Variants in LRRC3B observed in about 807,000 individuals in gnomAD.
LRRC3B encodes leucine-rich repeat-containing protein 3B.
Under a neutral mutation model 12.8 loss-of-function variants are expected in LRRC3B, and 2 were observed. That is an observed-to-expected ratio of 0.16 (90% confidence interval 0.06 to 0.49). The LOEUF (loss-of-function observed/expected upper bound fraction) is 0.49, where lower values mean the gene tolerates loss of function less well. Ranked by LOEUF, LRRC3B falls within the 20% of genes least tolerant of loss-of-function variation. The pLI is 0.96. For synonymous variants in LRRC3B, 132 were observed against 122.0 expected (o/e 1.08, Z -0.54); for missense variants, 189 against 319.4 (o/e 0.59, Z 3.11).
At position 26,636,910 on chromosome 3, in the gene LRRC3B, CTTTCTCTCTTTCTTTCTTTCTTTCTT is replaced by C. The variant is rs1559350244; in HGVS notation, c.-161+13675_-161+13700del. On this transcript the variant is annotated intron_variant, in intron 1 of 1. Coordinates refer to ENST00000396641, the Ensembl canonical transcript of LRRC3B. ...CCTTTCTCTCTCTCTCTCTTTCTCT[CTTTCTCTCTTTCTTTCTTTCTTTCTT>C]TCTTTCTTTCTTTCTTTCTTTCTTT... Among the ~76,000 whole-genome samples, 142 of 107,450 alleles carry C rather than the reference CTTTCTCTCTTTCTTTCTTTCTTTCTT, an allele frequency of 1.3e-3. 6 individuals carry two copies. The highest frequency in any genetic ancestry group is 5.9e-3 in the African/African-American group (134 of 22,664). 70.5% of individuals were successfully genotyped at this position (107,450 alleles called of 152,430 possible).
At chr3:26,666,332 A>G (rs1475392931) in intron 1 of LRRC3B, among the ~76,000 whole-genome samples, 1 of 152,144 alleles carries the variant, frequency 6.6e-6, no homozygotes, top group East Asian at 1.9e-4. Context: ...AGTTTATTAT[A>G]AGACAATTAT....
At chr3:26,705,050 G>A (rs139352117) in intron 1 of LRRC3B, among the ~76,000 whole-genome samples, 41 of 152,212 alleles carry the variant, frequency 2.7e-4, no homozygotes, top group African/African-American at 9.4e-4. Context: ...GTTAATAAAA[G>A]CTTTTGGGTT....
rs371518229 is a variant in LRRC3B at position 26,634,556 on chromosome 3, GA to G, written c.-161+11323del. 1.6e-3 allele frequency among the ~76,000 whole-genome samples: 247 copies of G among 152,300 alleles called. 1 individual carries two copies. Among genetic ancestry groups the G allele is most frequent in the African/African-American group, 5.7e-3 (236 of 41,558 alleles). The stretch of plus-strand genomic sequence containing the variant: ...TTCTGCATGGATTCAGGGTGACAGG[GA>G]AAAGGTTCAATTCACCTCGACATGG... On this transcript the variant is annotated intron_variant, in intron 1 of 1. Coordinates refer to ENST00000396641, the Ensembl canonical transcript of LRRC3B.
chr3:26,710,369 C>T (rs1421674966), exon 2 of LRRC3B: 2 of 1,613,880 alleles, frequency 1.2e-6, no homozygotes, highest in Admixed American at 1.7e-5. Flanking sequence ...GGAGGATGCC[C>T]GGAGACACCT....
At chr3:26,639,769 TATGAACCA>T (rs1698983063) in intron 1 of LRRC3B, among the ~76,000 whole-genome samples, 1 of 152,214 alleles carries the variant, frequency 6.6e-6, no homozygotes, top group Admixed American at 6.5e-5. Context: ...TTGTCTTTTC[TATGAACCA>T]CTTTGTTTAG....
intron 1 of LRRC3B, among the ~76,000 whole-genome samples, chr3:26,690,185 C>G (rs1700161806): frequency 6.6e-6 from 1 of 152,144 alleles, no homozygotes; most frequent in Non-Finnish European, 1.5e-5. Context: ...GAAACTACCT[C>G]AGAGGCCATA....
At chr3:26,665,963 TA>T (rs1699589381) in intron 1 of LRRC3B, among the ~76,000 whole-genome samples, 2 of 152,174 alleles carry the variant, frequency 1.3e-5, no homozygotes, top group Non-Finnish European at 2.9e-5. Context: ...GCAAAGATAA[TA>T]AATCATTCAA....
At chr3:26,669,524 C>T (rs1699677074) in intron 1 of LRRC3B, among the ~76,000 whole-genome samples, 1 of 152,032 alleles carries the variant, frequency 6.6e-6, no homozygotes, top group Admixed American at 6.6e-5. Flanking sequence ...CCTTTTTAAC[C>T]CCATGATAAC....
chr3:26,671,413 G>GAGAGAGACAC lies in LRRC3B; in HGVS notation c.-160-38099_-160-38098insGAGAGACACA, dbSNP rs9331540. On this transcript the variant is annotated intron_variant, in intron 1 of 1. Coordinates refer to ENST00000396641, the Ensembl canonical transcript of LRRC3B. ...AGAGAGAGAGAGAGAGAGAGAGAGA[G>GAGAGAGACAC]ACGAAGTCTTGCTCTGTCGCCAGGC... is the stretch of plus-strand genomic sequence containing the variant. 1.4e-3 allele frequency among the ~76,000 whole-genome samples: 142 copies of GAGAGAGACAC among 99,382 alleles called. 1 individual carries two copies. The highest frequency in any genetic ancestry group is 2.1e-3 in the Non-Finnish European group (110 of 51,276). The allele number at this position is 99,382 out of a possible 152,430, so 65.2% of individuals were successfully genotyped here.
intron 1 of LRRC3B, among the ~76,000 whole-genome samples, chr3:26,631,209 C>T (rs1357588267): frequency 6.6e-6 from 1 of 152,300 alleles, no homozygotes; most frequent in South Asian, 2.1e-4. Context: ...GCCCGATGAA[C>T]ATTCGCTTGT....
intron 1 of LRRC3B, among the ~76,000 whole-genome samples, chr3:26,657,254 C>G (rs1034668007): frequency 6.6e-6 from 1 of 152,222 alleles, no homozygotes; most frequent in Admixed American, 6.5e-5. Flanking sequence ...TAGATGCTCA[C>G]TCTCAACACG....
chr3:26,624,271 GGATGCT>G (rs1272366309), intron 1 of LRRC3B: 1 of 152,274 alleles, frequency 6.6e-6, no homozygotes, highest in African/African-American at 2.4e-5. Flanking sequence ...CGTGGACTAG[GGATGCT>G]TCTCCAAGCT....
At chr3:26,695,587 G>GA (rs369378217) in intron 1 of LRRC3B, among the ~76,000 whole-genome samples, 169 of 152,122 alleles carry the variant, frequency 1.1e-3, no homozygotes, top group African/African-American at 1.3e-3. Context: ...CAGACAGTTT[G>GA]AAAAAAACAG....
intron 1 of LRRC3B, among the ~76,000 whole-genome samples, chr3:26,649,901 G>T (rs74860458): frequency 6.6e-6 from 1 of 151,840 alleles, no homozygotes; most frequent in Non-Finnish European, 1.5e-5. Flanking sequence ...GTATAGCCCC[G>T]ATGTAGCCCC....
rs996244253 is a variant in LRRC3B, at chr3:26,709,031, A to G, written c.-160-482A>G. Among the ~76,000 whole-genome samples, 3 of 152,332 alleles carry G rather than the reference A, an allele frequency of 2.0e-5. No individual in the cohort carries two copies. In the East Asian group the frequency reaches 5.8e-4, roughly 29 times the overall value. On this transcript the variant is annotated intron_variant, in intron 1 of 1. Coordinates refer to ENST00000396641, the Ensembl canonical transcript of LRRC3B. ...CAAGTAAGATGTTTCTTTAGAGACA[A>G]TATTCCAAATTGGGCATCCATTCAA... is the stretch of plus-strand genomic sequence containing the variant.
At chr3:26,706,555 G>A (rs758588428) in intron 1 of LRRC3B, among the ~76,000 whole-genome samples, 11 of 152,192 alleles carry the variant, frequency 7.2e-5, no homozygotes, top group Admixed American at 1.3e-4. Context: ...CAGTTCACAA[G>A]CATTACATCC....
intron 1 of LRRC3B, 102 bp from the exon 2 acceptor site, chr3:26,709,410 AC>A (rs1013488973): frequency 1.0e-5 from 5 of 481,134 alleles, no homozygotes; most frequent in Non-Finnish European, 1.5e-5. Flanking sequence ...TGCATAACTA[AC>A]CCCCCTGCTC....
chr3:26,652,384 C>G (rs765111129), intron 1 of LRRC3B, among the ~76,000 whole-genome samples: 2 of 152,094 alleles, frequency 1.3e-5, no homozygotes, highest in African/African-American at 4.8e-5. Flanking sequence ...CATATGCTGC[C>G]GGGAAGTGTT....
intron 1 of LRRC3B, among the ~76,000 whole-genome samples, chr3:26,647,921 T>C (rs1363832655): frequency 6.6e-6 from 1 of 152,190 alleles, no homozygotes; most frequent in East Asian, 1.9e-4. Context: ...AAATGTCATA[T>C]GCCTGTGTTT....
Sources: gnomAD v4.1 joint callset for allele counts (sites outside exome capture counted in the v4.1 genomes callset) on GRCh38, gnomAD v4.1.1 for gene constraint, MANE v1.5 for transcripts, NCBI Gene and HGNC (gene_info 2026-07-23, HGNC 2026-07-21) for gene names.